PCCA: variants seen among roughly 807,000 people sequenced by gnomAD.
PCCA encodes the protein propionyl-CoA carboxylase alpha chain, mitochondrial.
PCCA carries 74 observed loss-of-function variants against 101.3 expected under a neutral mutation model. That is an observed-to-expected ratio of 0.73 (90% CI 0.61 to 0.89). The LOEUF (loss-of-function observed/expected upper bound fraction) is 0.89. PCCA is among the 40% of genes least tolerant of loss of function. The probability of loss-of-function intolerance (pLI) is 0.00; values close to 1 mark genes in which losing one functional copy is unlikely to be tolerated. For synonymous variants in PCCA, 294 were observed against 313.6 expected, an observed-to-expected ratio of 0.94 and a Z score of 0.66; for missense variants, 891 against 907.0, an observed-to-expected ratio of 0.98 and a Z score of 0.23.
At chr13:100,187,089 C>A (rs568702038) in intron 6 of PCCA, among the ~76,000 whole-genome samples, 1 of 152,332 alleles carries the variant, frequency 6.6e-6, no homozygotes, top group African/African-American at 2.4e-5. Context: ...CAGGGACTCA[C>A]TCCTGCAACC....
chr13:100,441,493 A>G (rs2080363695), intron 20 of PCCA, among the ~76,000 whole-genome samples: 1 of 152,232 alleles, frequency 6.6e-6, no homozygotes, highest in African/African-American at 2.4e-5. Context: ...CTTTGTGTGA[A>G]TAACTTTGCT....
At chr13:100,493,986 G>A (rs187981801) in intron 21 of PCCA, among the ~76,000 whole-genome samples, 1 of 151,926 alleles carries the variant, frequency 6.6e-6, no homozygotes, top group East Asian at 2.0e-4. Context: ...GTCAGGAGCT[G>A]GTGACCATCC....
At chr13:100,182,020 T>A (rs557780040) in intron 6 of PCCA, among the ~76,000 whole-genome samples, 1 of 151,300 alleles carries the variant, frequency 6.6e-6, no homozygotes, top group African/African-American at 2.4e-5. Context: ...CTTGTCTTGA[T>A]TCCTTCTATA....
intron 21 of PCCA, among the ~76,000 whole-genome samples, chr13:100,509,820 G>T (rs61971599): frequency 1.7e-5 from 2 of 115,708 alleles, no homozygotes; most frequent in African/African-American, 3.2e-5. Flanking sequence ...TTTTTGTTTT[G>T]TGTTTTTTTT....
intron 14 of PCCA, among the ~76,000 whole-genome samples, chr13:100,303,886 A>C (rs925247412): frequency 6.6e-6 from 1 of 152,244 alleles, no homozygotes; most frequent in African/African-American, 2.4e-5. Context: ...AAAATTGTGA[A>C]GATTTAACAG....
intron 4 of PCCA, among the ~76,000 whole-genome samples, chr13:100,150,223 A>G (rs1216783049): frequency 1.3e-5 from 2 of 151,998 alleles, no homozygotes; most frequent in African/African-American, 2.4e-5. Context: ...TGGTAGAGAC[A>G]GGGTTTCACC....
At chr13:100,509,213 G>A (rs527656488) in intron 21 of PCCA, among the ~76,000 whole-genome samples, 3 of 152,316 alleles carry the variant, frequency 2.0e-5, no homozygotes, top group African/African-American at 4.8e-5. Context: ...AACTGTTACC[G>A]TGACGCTGAG....
intron 13 of PCCA, 112 bp from the exon 14 acceptor site, chr13:100,302,812 T>C: frequency 1.3e-6 from 1 of 751,528 alleles, no homozygotes; most frequent in South Asian, 1.4e-5. Context: ...ATTTGGTAAA[T>C]ACCATATGTT....
chr13:100,464,850 T>G (rs2082397920), intron 21 of PCCA, among the ~76,000 whole-genome samples: 1 of 152,208 alleles, frequency 6.6e-6, no homozygotes, highest in African/African-American at 2.4e-5. Context: ...ATGGAAAGAA[T>G]GGCAAAACCA....
intron 21 of PCCA, among the ~76,000 whole-genome samples, chr13:100,500,569 A>G (rs1215405617): frequency 6.6e-6 from 1 of 152,206 alleles, no homozygotes; most frequent in East Asian, 1.9e-4. Context: ...TGAAATCTGT[A>G]AACATTTAAA....
At position 100,089,219 on chromosome 13, in the gene PCCA, CCT is replaced by C; in HGVS notation, c.100_101del (p.Leu34GlufsTer16). On this transcript the variant is annotated frameshift_variant, in exon 1 of 24. Coordinates refer to ENST00000376285, the MANE Select transcript of PCCA (RefSeq NM_000282.4). LOFTEE classifies it high-confidence loss of function. The part of the protein sequence containing the change: ...QLMLSAALRT[L>X]KHVLYYSRQC... ...TGATGCTGAGCGCGGCGCTGCGGAC[CCT>C]GAAGGTGAGGAGCAACGGGGCCTCG... The C allele has an allele frequency of 2.0e-6, 3 of 1,517,630 alleles. No homozygotes were observed. The highest frequency in any genetic ancestry group is 2.6e-6 in the Non-Finnish European group (3 of 1,134,024). The allele number at this position is 1,517,630 out of a possible 1,614,324, so 94.0% of individuals were successfully genotyped here.
rs371672689 is a variant in PCCA, at chr13:100,381,646, T to A, written c.1746+13072T>A. On this transcript the variant is annotated intron_variant, in intron 19 of 23. Coordinates refer to ENST00000376285, the MANE Select transcript of PCCA (RefSeq NM_000282.4). The stretch of plus-strand genomic sequence containing the variant: ...ACCTTTCAAATAATATTGAAGCAAG[T>A]TATTTCCCTGACCCCTTTGCGGGAC... Among the ~76,000 whole-genome samples the A allele has an allele frequency of 1.1e-3, 165 of 152,348 alleles. 6 individuals carry two copies. In the South Asian group the frequency reaches 0.031, roughly 29 times the overall value.
chr13:100,460,369 A>G (rs892755182), intron 21 of PCCA, among the ~76,000 whole-genome samples: 4 of 152,248 alleles, frequency 2.6e-5, no homozygotes, highest in African/African-American at 9.6e-5. Flanking sequence ...AATAAGGCAA[A>G]CATATCTCAG....
chr13:100,340,174 A>T lies in PCCA; in HGVS notation c.1558A>T (p.Ser520Cys), dbSNP rs112237881. ...DGFKGHMLTK[S>C]EKNQLLAIAS... ...TCCCTCAGGACACATGCTAACCAAG[A>T]GTGAGAAGAACCAGTTATTGGCAAT... The change falls in exon 18 of 24, where the codon AGT becomes TGT. Residue 520 changes from serine to cysteine, a missense_variant. By Grantham distance (112) the Ser-to-Cys change is moderately radical. Coordinates refer to ENST00000376285, the MANE Select transcript of PCCA (RefSeq NM_000282.4). The T allele has an allele frequency of 2.7e-4, 438 of 1,597,172 alleles. 1 individual carries two copies. In the African/African-American group the frequency reaches 5.2e-3, roughly 19 times the overall value.
At chr13:100,374,689 A>G (rs1016985389) in intron 19 of PCCA, among the ~76,000 whole-genome samples, 9 of 152,286 alleles carry the variant, frequency 5.9e-5, no homozygotes, top group Non-Finnish European at 8.8e-5. Flanking sequence ...TGGCCTTCCT[A>G]GCGATGGAAA....
chr13:100,237,942 T>TC (rs376456569), intron 8 of PCCA, among the ~76,000 whole-genome samples: 12,427 of 146,008 alleles, frequency 0.085, 613 homozygotes, highest in African/African-American at 0.14. Flanking sequence ...TTTCTTTCTT[T>TC]TTTTTTTTTT....
chr13:100,137,254 T>G (rs192817462), intron 4 of PCCA, among the ~76,000 whole-genome samples: 3 of 152,340 alleles, frequency 2.0e-5, no homozygotes, highest in African/African-American at 7.2e-5. Context: ...TGTGTTAAGT[T>G]CATTTTCTGA....
intron 19 of PCCA, among the ~76,000 whole-genome samples, chr13:100,424,634 T>C (rs2079024546): frequency 6.6e-6 from 1 of 152,176 alleles, no homozygotes. Context: ...CTTATACTTG[T>C]CAGAATGTTT....
chr13:100,217,170 G>A (rs963047820), intron 7 of PCCA, among the ~76,000 whole-genome samples: 4 of 151,514 alleles, frequency 2.6e-5, no homozygotes, highest in Non-Finnish European at 5.9e-5. Context: ...TACAAGACTG[G>A]GTGCAGTGGC....
Sources: gnomAD v4.1 joint callset for allele counts (sites outside exome capture counted in the v4.1 genomes callset) on GRCh38, gnomAD v4.1.1 for gene constraint, MANE v1.5 for transcripts, NCBI Gene and HGNC (gene_info 2026-07-23, HGNC 2026-07-21) for gene names.